The following SLC22A17 variants were observed in gnomAD, a reference collection of about 807,000 sequenced individuals.
SLC22A17 encodes 24p3 receptor.
A neutral mutation model predicts 53.6 loss-of-function variants in SLC22A17; 38 were observed. The ratio of observed to expected loss-of-function variants is 0.71; its 90% CI spans 0.55 to 0.93. SLC22A17 has a LOEUF of 0.93. SLC22A17 is among the 40% of genes least tolerant of loss of function. The pLI is 0.00. For synonymous variants in SLC22A17, 379 were observed against 353.0 expected (o/e 1.07, Z -0.82); for missense variants, 704 against 791.0 (o/e 0.89, Z 1.32).
chr14:23,346,987 C>A (rs1165380975), intron 9 of SLC22A17, 51 bp from the exon 10 acceptor site: 1 of 1,496,358 alleles, frequency 6.7e-7, no homozygotes, highest in Non-Finnish European at 8.9e-7. Context: ...CCTTGCTGGG[C>A]CCTTCTCCCG....
In SLC22A17 at chr14:23,348,115, C is replaced by G. The variant is rs145403009; in HGVS notation, c.1171+46G>C. On this transcript the variant is annotated intron_variant, in intron 6 of 9. Transcript: ENST00000397267. This position sits in a 1 kb window ranked among gnomAD's most constrained non-coding sequence, Gnocchi z 4.5. ...GCTACAGCCATGCAGAGGGCACCAT[C>G]ATGTGTGCAAGTGAGGCAACACTCA... is the stretch of plus-strand genomic sequence containing the variant. 103 of 1,611,376 alleles carry G rather than the reference C, an allele frequency of 6.4e-5. 1 individual carries two copies. The highest frequency in any genetic ancestry group is 1.7e-4 in the Middle Eastern group (1 of 6,036).
In SLC22A17 at chr14:23,352,564, G is replaced by A; in HGVS notation, c.96+82C>T. The A allele has an allele frequency of 2.4e-6, 1 of 420,272 alleles. No individual in the cohort carries two copies. The highest frequency in any genetic ancestry group is 4.2e-6 in the Non-Finnish European group (1 of 240,918). The allele number at this position is 420,272 out of a possible 1,614,324, so 26.0% of individuals were successfully genotyped here. On this transcript the variant is annotated intron_variant, in intron 1 of 9. Coordinates refer to ENST00000397267, the Ensembl canonical transcript of SLC22A17. This position sits in a 1 kb window ranked among gnomAD's most constrained non-coding sequence, Gnocchi z 7.2. ...GAAGGCAGTCAGGGGCGAGGGATGC[G>A]CAGGAGGAAAATGCCAGACGCTCCG...
Position 23,352,704 on chromosome 14 carries a change from T to C in SLC22A17, c.38A>G (p.Asn13Ser). The stretch of plus-strand genomic sequence containing the variant: ...GTCGATTTTGCCGCCGCCCCCGCCA[T>C]TGGGCTCGGGGGTCCCGGTGGCCAC... The change falls in exon 1 of 10, where the codon AAT (asparagine) becomes AGT (serine). Residue 13 changes from asparagine (N) to serine (S), a missense_variant. By Grantham distance (46) the Asn-to-Ser change is conservative (BLOSUM62 1). Transcript: ENST00000397267. The surrounding 1 kb of genome is among the most constrained non-coding windows in gnomAD (Gnocchi z 7.2). The C allele has an allele frequency of 5.0e-6, 2 of 398,892 alleles. No homozygotes were observed. The highest frequency in any genetic ancestry group is 3.6e-5 in the East Asian group (1 of 28,044). 24.7% of individuals were successfully genotyped at this position (398,892 alleles called of 1,614,324 possible).
rs1193577807 is a variant in SLC22A17 at position 23,352,886 on chromosome 14, G to T, written c.-145C>A. On this transcript the variant is annotated 5_prime_UTR_variant, in exon 1 of 10. Transcript: ENST00000397267. The surrounding 1 kb of genome is among the most constrained non-coding windows in gnomAD (Gnocchi z 7.2). ...AGCCGCGGGCGCCTCCTTGGTCTCT[G>T]CGATCTCTGCGCTGCTTTCCCCTCC... 1 of 396,902 alleles carries T rather than the reference G, an allele frequency of 2.5e-6. No homozygotes were observed. Among genetic ancestry groups the T allele is most frequent in the Non-Finnish European group, 4.4e-6 (1 of 225,248 alleles). 24.6% of individuals were successfully genotyped at this position (396,902 alleles called of 1,614,324 possible).
At chr14:23,349,228 G>A in intron 4 of SLC22A17, 44 bp downstream of exon 4, 3 of 1,613,398 alleles carry the variant, frequency 1.9e-6, no homozygotes, top group Non-Finnish European at 2.5e-6. Flanking sequence ...CAGGCAGGTA[G>A]GCATGAGACC....
chr14:23,351,740 G>T lies in SLC22A17; in HGVS notation c.704+12C>A. ...TCCTTTCTACCAGCCCTGCCCCCACGACAGCCCTCACCTGTCTGCGGGGTA... is the reference window on the plus strand; with the variant it reads ...TCCTTTCTACCAGCCCTGCCCCCACTACAGCCCTCACCTGTCTGCGGGGTA... On this transcript the variant is annotated intron_variant, in intron 3 of 9. Transcript: ENST00000397267. 3 of 1,608,394 alleles carry T rather than the reference G, an allele frequency of 1.9e-6. No individual in the cohort carries two copies. Among genetic ancestry groups the T allele is most frequent in the Non-Finnish European group, 2.5e-6 (3 of 1,177,724 alleles).
intron 9 of SLC22A17, 60 bp from the exon 10 acceptor site, chr14:23,346,996 C>G: frequency 2.0e-6 from 3 of 1,495,474 alleles, no homozygotes; most frequent in Non-Finnish European, 2.7e-6. Context: ...GCCCTTCTCC[C>G]GCAGCCCCCC....
Position 23,347,102 on chromosome 14 carries a change from G to T in SLC22A17, c.1660C>A (p.Arg554=), listed in dbSNP as rs1340335441. The T allele has an allele frequency of 2.5e-6, 4 of 1,612,030 alleles. No homozygotes were observed. Among genetic ancestry groups the T allele is most frequent in the South Asian group, 2.2e-5 (2 of 90,792 alleles). Reference sequence around the variant, plus strand: ...CCCTGGGGGCACCCCTGCTCTCACCGGACAGTGGTGGGGATGACCTCAGCA... The same window carrying T: ...CCCTGGGGGCACCCCTGCTCTCACCTGACAGTGGTGGGGATGACCTCAGCA... The change falls in exon 9 of 10, where the codon CGG becomes AGG. Residue 554 remains arginine, a splice_region_variant and synonymous_variant. Coordinates refer to ENST00000397267, the Ensembl canonical transcript of SLC22A17. The surrounding 1 kb of genome is among the most constrained non-coding windows in gnomAD (Gnocchi z 5.1).
rs373355784 is a variant in SLC22A17, at chr14:23,347,052, G to T, written c.1661+49C>A. 1.7e-5 allele frequency: 27 copies of T among 1,551,358 alleles called. No individual in the cohort carries two copies. Among genetic ancestry groups the T allele is most frequent in the Non-Finnish European group, 2.3e-5 (26 of 1,147,980 alleles). Reference sequence around the variant, plus strand: ...GTCCTCAGGGGTGGGGTGGGGGAGCGGGAGGCGAGGGGGCCCGGCTCTGCC... The same window carrying T: ...GTCCTCAGGGGTGGGGTGGGGGAGCTGGAGGCGAGGGGGCCCGGCTCTGCC... On this transcript the variant is annotated intron_variant, in intron 9 of 9. Coordinates refer to ENST00000397267, the Ensembl canonical transcript of SLC22A17. The surrounding 1 kb of genome is among the most constrained non-coding windows in gnomAD (Gnocchi z 5.1).
intron 2 of SLC22A17, 46 bp downstream of exon 2, chr14:23,351,902 C>T (rs752893070): frequency 6.2e-7 from 1 of 1,611,196 alleles, no homozygotes; most frequent in Non-Finnish European, 8.5e-7. Flanking sequence ...CCGCCCTCGC[C>T]GCTCTCTGCC....
rs1304782630 is a variant in SLC22A17 at position 23,349,048 on chromosome 14, T to C, written c.859+224A>G. ...TATCAGGGGAATAGCACCTTATTCC[T>C]TGGCAGCAGTAAGTCCAGGACAAAG... On this transcript the variant is annotated intron_variant, in intron 4 of 9. Transcript: ENST00000397267. 7.9e-6 allele frequency: 5 copies of C among 631,638 alleles called. No individual in the cohort carries two copies. In the East Asian group the frequency reaches 1.4e-4, roughly 17 times the overall value. 39.1% of individuals were successfully genotyped at this position (631,638 alleles called of 1,614,324 possible).
exon 10 of SLC22A17, chr14:23,346,633 G>A: frequency 6.8e-7 from 1 of 1,466,514 alleles, no homozygotes; most frequent in Non-Finnish European, 9.0e-7. Flanking sequence ...TCCCGCCAGG[G>A]TACTCAGAGG....
rs1204199671 is a variant in SLC22A17, at chr14:23,348,116, A to G, written c.1171+45T>C. On this transcript the variant is annotated intron_variant, in intron 6 of 9. Transcript: ENST00000397267. The surrounding 1 kb of genome is among the most constrained non-coding windows in gnomAD (Gnocchi z 4.5). ...CTACAGCCATGCAGAGGGCACCATC[A>G]TGTGTGCAAGTGAGGCAACACTCAC... 2.0e-5 allele frequency: 33 copies of G among 1,611,362 alleles called. No individual in the cohort carries two copies. The East Asian group carries it at 7.4e-4, about 36-fold the overall frequency.
exon 2 of SLC22A17, chr14:23,351,972 C>T: frequency 6.2e-7 from 1 of 1,612,886 alleles, no homozygotes; most frequent in South Asian, 1.1e-5. Context: ...TGGTGGTGAG[C>T]ACAGGAAGGC....
Position 23,347,837 on chromosome 14 carries a change from C to T in SLC22A17, c.1277+54G>A. 1 of 1,612,114 alleles carries T rather than the reference C, an allele frequency of 6.2e-7. No individual in the cohort carries two copies. The highest frequency in any genetic ancestry group is 8.5e-7 in the Non-Finnish European group (1 of 1,178,392). The stretch of plus-strand genomic sequence containing the variant: ...GGGGTCCCCGGGCCTTCCCACCCAG[C>T]CAGCCCCCATTCCAGCTACTGGCCT... On this transcript the variant is annotated intron_variant, in intron 7 of 9. Transcript: ENST00000397267. This position sits in a 1 kb window ranked among gnomAD's most constrained non-coding sequence, Gnocchi z 5.1.
At position 23,347,108 on chromosome 14, in the gene SLC22A17, T is replaced by C. The variant is rs755959364; in HGVS notation, c.1654A>G (p.Thr552Ala). ...GGGCACCCCTGCTCTCACCGGACAG[T>C]GGTGGGGATGACCTCAGCAGCAAGG... Residue 552 changes from threonine (T) to alanine (A), a missense_variant, in exon 9 of 10, where the codon ACT (threonine) becomes GCT (alanine). This residue lies in a region of SLC22A17 where 196 missense variants were observed against 171.5 expected (regional missense o/e 1.14). Transcript: ENST00000397267. This position sits in a 1 kb window ranked among gnomAD's most constrained non-coding sequence, Gnocchi z 5.1. 3.1e-6 allele frequency: 5 copies of C among 1,611,928 alleles called. No individual in the cohort carries two copies. Among genetic ancestry groups the C allele is most frequent in the Non-Finnish European group, 3.4e-6 (4 of 1,179,240 alleles).
At chr14:23,349,306 C>T (rs759228132) in exon 4 of SLC22A17, 3 of 1,614,042 alleles carry the variant, frequency 1.9e-6, no homozygotes, top group Non-Finnish European at 2.5e-6. Flanking sequence ...CACCGGCAAG[C>T]AGAAAGCCCA....
At chr14:23,346,681 G>C in exon 10 of SLC22A17, 1 of 1,524,296 alleles carries the variant, frequency 6.6e-7, no homozygotes, top group South Asian at 1.3e-5. Flanking sequence ...CAAGCAGCGG[G>C]ACGTGGTCAC....
rs114378477 is a variant in SLC22A17, at chr14:23,346,830, G to T, written c.1768C>A (p.Leu590Met). 5.8e-4 allele frequency: 886 copies of T among 1,540,278 alleles called. 5 individuals are homozygous for T. In the African/African-American group the frequency reaches 0.011, roughly 19 times the overall value. ...ATGCAGAGGAGGGCGCAGGCCGCCA[G>T]CACCACGTGCTGCAGGAAGGCTCCA... Residue 590 changes from leucine to methionine, a missense_variant, in exon 10 of 10, where the codon CTG (leucine) becomes ATG (methionine). This residue lies in a region of SLC22A17 where 196 missense variants were observed against 171.5 expected (regional missense o/e 1.14). Transcript: ENST00000397267.
Sources: allele counts gnomAD v4.1 joint callset, GRCh38; gene constraint gnomAD v4.1.1; regional missense constraint gnomAD v4.1.1; non-coding constraint Gnocchi (gnomAD v3.1); transcripts MANE v1.5; gene names NCBI Gene and HGNC (gene_info 2026-07-23, HGNC 2026-07-21).